Variants in ASAP1 observed in about 807,000 individuals in gnomAD.
ASAP1 encodes ArfGAP with SH3 domain, ankyrin repeat and PH domain 1.
A neutral mutation model predicts 145.2 loss-of-function variants in ASAP1; 43 were observed. The ratio of observed to expected loss-of-function variants is 0.30; its 90% CI spans 0.23 to 0.38. The LOEUF is 0.38. ASAP1 is among the 10% of genes least tolerant of loss of function. The pLI is 1.00. For synonymous variants in ASAP1, 546 were observed against 515.5 expected (o/e 1.06, Z -0.80); for missense variants, 1,018 against 1,355.3 (o/e 0.75, Z 3.91).
At chr8:130,090,532 ACTC>A (rs1010096010) in intron 25 of ASAP1, among the ~76,000 whole-genome samples, 10 of 151,942 alleles carry the variant, frequency 6.6e-5, no homozygotes, top group African/African-American at 2.2e-4. Context: ...TTAACACCAA[ACTC>A]CAATGTCTCC....
chr8:130,129,531 AATT>A (rs1481222519), intron 15 of ASAP1, among the ~76,000 whole-genome samples: 1 of 152,218 alleles, frequency 6.6e-6, no homozygotes, highest in Non-Finnish European at 1.5e-5. Context: ...AACCAGTGTT[AATT>A]TTTTGTTACT....
chr8:130,127,915 G>A lies in ASAP1; in HGVS notation c.1381+12C>T. The A allele has an allele frequency of 6.2e-7, 1 of 1,609,782 alleles. No individual in the cohort carries two copies. On this transcript the variant is annotated intron_variant, in intron 16 of 29. Transcript: ENST00000518721. ...ATGTTGTAAAAGCTCGTTCAAATAT[G>A]GGGACAAAAACCTGATGAGCCACAA...
At chr8:130,357,845 G>A (rs908905648) in intron 3 of ASAP1, among the ~76,000 whole-genome samples, 172 bp downstream of exon 3, 6 of 152,216 alleles carry the variant, frequency 3.9e-5, no homozygotes, top group Non-Finnish European at 4.4e-5. Flanking sequence ...GAAAGGGCGA[G>A]GAGATGGGGA....
At chr8:130,254,557 T>C (rs1023188895) in intron 3 of ASAP1, among the ~76,000 whole-genome samples, 1 of 152,002 alleles carries the variant, frequency 6.6e-6, no homozygotes, top group Admixed American at 6.6e-5. Flanking sequence ...TGCAAACAAA[T>C]ACATTAAAAG....
chr8:130,174,534 A>G (rs113123320), intron 9 of ASAP1, among the ~76,000 whole-genome samples: 73 of 152,206 alleles, frequency 4.8e-4, no homozygotes, highest in African/African-American at 1.7e-3. Context: ...CAATTCATGG[A>G]ATCTCTTTTT....
intron 2 of ASAP1, among the ~76,000 whole-genome samples, chr8:130,390,942 C>G (rs28439118): frequency 0.1 from 15,312 of 149,482 alleles, 1,039 homozygotes; most frequent in Non-Finnish European, 0.15. Context: ...ATCCCCCGCC[C>G]CCCCAAAATT....
intron 25 of ASAP1, among the ~76,000 whole-genome samples, chr8:130,089,068 A>G (rs1204296118): frequency 6.6e-6 from 1 of 152,180 alleles, no homozygotes; most frequent in Non-Finnish European, 1.5e-5. Context: ...TGTACTAGGA[A>G]AGACAGGCAA....
In ASAP1 at chr8:130,358,303, A is replaced by T. The variant is rs1826474535; in HGVS notation, c.60-160T>A. On this transcript the variant is annotated intron_variant, in intron 2 of 29. Coordinates refer to ENST00000518721, the MANE Select transcript of ASAP1 (RefSeq NM_018482.4). This position sits in a 1 kb window ranked among gnomAD's most constrained non-coding sequence, Gnocchi z 4.1. ...CCCGTCCCCGGCAGCGGCGAGAGGGAGGGAAGGAGGCGGGCGAAGGCAGGC... is the reference window on the plus strand; with the variant it reads ...CCCGTCCCCGGCAGCGGCGAGAGGGTGGGAAGGAGGCGGGCGAAGGCAGGC... Among the ~76,000 whole-genome samples, 1 of 148,830 alleles carries T rather than the reference A, an allele frequency of 6.7e-6. No individual in the cohort carries two copies. Among genetic ancestry groups the T allele is most frequent in the South Asian group, 2.1e-4 (1 of 4,790 alleles).
At chr8:130,179,534 A>G (rs1341081650) in intron 8 of ASAP1, among the ~76,000 whole-genome samples, 185 bp from the exon 9 acceptor site, 1 of 152,204 alleles carries the variant, frequency 6.6e-6, no homozygotes, top group East Asian at 1.9e-4. Context: ...CTAGAGTGTT[A>G]GCATTTTATA....
chr8:130,367,910 C>T (rs1827033104), intron 2 of ASAP1, among the ~76,000 whole-genome samples: 1 of 152,296 alleles, frequency 6.6e-6, no homozygotes, highest in Middle Eastern at 3.4e-3. Context: ...CAGGATTTTT[C>T]CATAACCATG....
intron 6 of ASAP1, among the ~76,000 whole-genome samples, chr8:130,187,733 T>C (rs908511687): frequency 1.1e-4 from 16 of 152,048 alleles, no homozygotes. Context: ...CATCAAACCA[T>C]GTGTTATATA....
At chr8:130,438,421 C>T (rs1207749923) in intron 1 of ASAP1, among the ~76,000 whole-genome samples, 9 of 152,166 alleles carry the variant, frequency 5.9e-5, no homozygotes, top group Non-Finnish European at 1.3e-4. Context: ...GGGAACAGGG[C>T]TGGCTGAGGT....
In ASAP1 at chr8:130,167,334, T is replaced by G; in HGVS notation, c.909+202A>C. 9.0e-6 allele frequency: 6 copies of G among 663,384 alleles called. No homozygotes were observed. In the Admixed American group the frequency reaches 9.7e-5, roughly 11 times the overall value. 41.1% of individuals were successfully genotyped at this position (663,384 alleles called of 1,614,324 possible). A position where few individuals can be genotyped will look rare whatever the true frequency, so the allele number is the denominator to read the frequency against. On this transcript the variant is annotated intron_variant, in intron 11 of 29. Coordinates refer to ENST00000518721, the MANE Select transcript of ASAP1 (RefSeq NM_018482.4). ...AAAAAGAAAAAAAAAAAATCCAGAG[T>G]CATGGAATTGGATACCCAGAACATC...
intron 3 of ASAP1, among the ~76,000 whole-genome samples, chr8:130,308,804 G>A (rs1280283955): frequency 1.3e-5 from 2 of 152,158 alleles, no homozygotes; most frequent in African/African-American, 4.8e-5. Flanking sequence ...CACTTTGGGA[G>A]GCCGAGGCAG....
intron 3 of ASAP1, among the ~76,000 whole-genome samples, chr8:130,335,244 T>C (rs1824957342): frequency 6.6e-6 from 1 of 152,218 alleles, no homozygotes; most frequent in Non-Finnish European, 1.5e-5. Flanking sequence ...AGGATGACCA[T>C]TAATTGGATG....
intron 27 of ASAP1, among the ~76,000 whole-genome samples, chr8:130,065,849 C>T (rs576259711): frequency 5.1e-4 from 78 of 152,176 alleles, no homozygotes; most frequent in Non-Finnish European, 1.0e-3. Flanking sequence ...CCTCACTGTT[C>T]TTTCCTGCCT....
At chr8:130,207,453 A>C (rs1816300878) in intron 5 of ASAP1, among the ~76,000 whole-genome samples, 1 of 152,224 alleles carries the variant, frequency 6.6e-6, no homozygotes, top group African/African-American at 2.4e-5. Context: ...CCAAGAGGAT[A>C]CGGCCCTTGT....
chr8:130,291,624 T>A (rs1425365052), intron 3 of ASAP1, among the ~76,000 whole-genome samples: 1 of 152,082 alleles, frequency 6.6e-6, no homozygotes, highest in Admixed American at 6.5e-5. Context: ...GGCTGATAAG[T>A]TTGACGAGTG....
At chr8:130,276,534 A>G (rs1820891195) in intron 3 of ASAP1, among the ~76,000 whole-genome samples, 1 of 152,160 alleles carries the variant, frequency 6.6e-6, no homozygotes, top group Admixed American at 6.5e-5. Flanking sequence ...AAAAGCTGGC[A>G]TTTGTGTCCT....
Sources: allele counts gnomAD v4.1 joint callset (sites outside exome capture counted in the v4.1 genomes callset), GRCh38; gene constraint gnomAD v4.1.1; non-coding constraint Gnocchi (gnomAD v3.1); transcripts MANE v1.5; gene names NCBI Gene and HGNC (gene_info 2026-07-23, HGNC 2026-07-21).